Variants in KCND2 observed in about 807,000 individuals in gnomAD.
The protein encoded by KCND2 is A-type voltage-gated potassium channel KCND2.
Under a neutral mutation model 54.4 loss-of-function variants are expected in KCND2, and 16 were observed. The observed-to-expected ratio is 0.29, with a 90% CI of 0.20 to 0.45. KCND2 has a LOEUF of 0.45. KCND2 is among the 20% of genes least tolerant of loss of function. The probability of loss-of-function intolerance (pLI) is 1.00; values close to 1 mark genes in which losing one functional copy is unlikely to be tolerated. For missense variants in KCND2, 486 were observed against 824.2 expected, an observed-to-expected ratio of 0.59 and a Z score of 5.02; for synonymous variants, 317 against 310.7, an observed-to-expected ratio of 1.02 and a Z score of -0.21.
intron 1 of KCND2, among the ~76,000 whole-genome samples, chr7:120,612,687 A>G (rs149426924): frequency 7.9e-5 from 12 of 152,368 alleles, no homozygotes; most frequent in Admixed American, 7.2e-4. Context: ...CCTTTCAGTC[A>G]TGGAGTTTAG....
At chr7:120,562,653 T>A (rs1330108860) in intron 1 of KCND2, among the ~76,000 whole-genome samples, 2 of 152,204 alleles carry the variant, frequency 1.3e-5, no homozygotes, top group Non-Finnish European at 2.9e-5. Context: ...AAACTTGAAT[T>A]GTATTCACAA....
chr7:120,360,261 G>A, intron 1 of KCND2, among the ~76,000 whole-genome samples: 1 of 152,010 alleles, frequency 6.6e-6, no homozygotes, highest in Non-Finnish European at 1.5e-5. Flanking sequence ...CAGGGAAAGG[G>A]CACAAAGGTA....
intron 1 of KCND2, among the ~76,000 whole-genome samples, chr7:120,497,680 G>T (rs1371104113): frequency 1.3e-5 from 2 of 152,154 alleles, no homozygotes; most frequent in Non-Finnish European, 2.9e-5. Context: ...CGTTCAGCAG[G>T]ATAGAGGCAA....
intron 1 of KCND2, among the ~76,000 whole-genome samples, chr7:120,486,818 T>C (rs960982658): frequency 6.6e-6 from 1 of 151,874 alleles, no homozygotes; most frequent in African/African-American, 2.4e-5. Flanking sequence ...GTATGTGTAA[T>C]AAGCCCAAAA....
chr7:120,309,017 A>G (rs1799688879), intron 1 of KCND2, among the ~76,000 whole-genome samples: 1 of 152,196 alleles, frequency 6.6e-6, no homozygotes, highest in Non-Finnish European at 1.5e-5. Context: ...GGCCTGGGAA[A>G]TATATGGGCA....
In KCND2 at chr7:120,742,358, T is replaced by C. The variant is rs111267672; in HGVS notation, c.1375-152T>C. The stretch of plus-strand genomic sequence containing the variant: ...AAATTGTAAATGCCGATCATCCAAC[T>C]TAACAGGAACTGCACATTTGTTCCT... On this transcript the variant is annotated intron_variant, in intron 3 of 5. Transcript: ENST00000331113. 6.2e-5 allele frequency: 43 copies of C among 691,852 alleles called. 1 individual carries two copies. The African/African-American group carries it at 6.6e-4, about 11-fold the overall frequency. The allele number at this position is 691,852 out of a possible 1,614,324, so 42.9% of individuals were successfully genotyped here.
chr7:120,445,900 C>A (rs1802011536), intron 1 of KCND2, among the ~76,000 whole-genome samples: 1 of 152,076 alleles, frequency 6.6e-6, no homozygotes, highest in Non-Finnish European at 1.5e-5. Flanking sequence ...TATCTACTTA[C>A]CCCTCTCTTA....
intron 1 of KCND2, among the ~76,000 whole-genome samples, chr7:120,711,131 A>G (rs1792532063): frequency 6.6e-6 from 1 of 152,106 alleles, no homozygotes; most frequent in African/African-American, 2.4e-5. Flanking sequence ...TATTTTATAT[A>G]CATTTGTTAC....
At chr7:120,460,216 T>C (rs1435410500) in intron 1 of KCND2, among the ~76,000 whole-genome samples, 2 of 152,292 alleles carry the variant, frequency 1.3e-5, no homozygotes, top group African/African-American at 4.8e-5. Context: ...ATGTGTACTA[T>C]AGACCAGACA....
At chr7:120,730,435 G>A (rs1418785296) in intron 1 of KCND2, among the ~76,000 whole-genome samples, 1 of 152,162 alleles carries the variant, frequency 6.6e-6, no homozygotes, top group African/African-American at 2.4e-5. Flanking sequence ...TCTACAGTAA[G>A]AATATCCCCA....
intron 1 of KCND2, among the ~76,000 whole-genome samples, chr7:120,687,627 G>A (rs939506755): frequency 2.0e-5 from 3 of 151,640 alleles, no homozygotes; most frequent in East Asian, 3.9e-4. Context: ...ACCAGCCTGG[G>A]GAACATAGTG....
intron 1 of KCND2, among the ~76,000 whole-genome samples, chr7:120,519,027 A>G (rs1427431815): frequency 1.3e-5 from 2 of 152,172 alleles, no homozygotes; most frequent in East Asian, 1.9e-4. Context: ...GGGCAATGTG[A>G]TACAGAATAT....
intron 1 of KCND2, among the ~76,000 whole-genome samples, chr7:120,429,956 T>C (rs1474282255): frequency 6.6e-6 from 1 of 152,176 alleles, no homozygotes; most frequent in East Asian, 1.9e-4. Flanking sequence ...GATCTATGCA[T>C]GATCATGCAT....
intron 1 of KCND2, among the ~76,000 whole-genome samples, chr7:120,461,018 C>A (rs909394828): frequency 2.6e-5 from 4 of 152,096 alleles, no homozygotes; most frequent in African/African-American, 9.7e-5. Context: ...TATTGTTAAA[C>A]CTCTGTCTGC....
intron 1 of KCND2, among the ~76,000 whole-genome samples, chr7:120,677,171 A>G (rs577647051): frequency 2.3e-4 from 35 of 152,334 alleles, no homozygotes; most frequent in African/African-American, 7.9e-4. Context: ...AATAAAGGCA[A>G]GAATCACAAG....
intron 1 of KCND2, among the ~76,000 whole-genome samples, chr7:120,491,449 A>G (rs1377539156): frequency 1.3e-5 from 2 of 152,150 alleles, no homozygotes; most frequent in Non-Finnish European, 2.9e-5. Context: ...CTGATAACAT[A>G]TTGTAGTTGG....
At chr7:120,324,677 G>T (rs950022860) in intron 1 of KCND2, among the ~76,000 whole-genome samples, 1 of 151,116 alleles carries the variant, frequency 6.6e-6, no homozygotes, top group African/African-American at 2.4e-5. Flanking sequence ...TTTGGTACCA[G>T]TACCATGCTG....
chr7:120,619,959 A>G (rs1162517612), intron 1 of KCND2, among the ~76,000 whole-genome samples: 1 of 152,186 alleles, frequency 6.6e-6, no homozygotes, highest in Non-Finnish European at 1.5e-5. Context: ...GCTGAATAGA[A>G]TATGTTTTGC....
At chr7:120,673,952 T>C (rs770097134) in intron 1 of KCND2, among the ~76,000 whole-genome samples, 16 of 151,496 alleles carry the variant, frequency 1.1e-4, no homozygotes, top group Non-Finnish European at 1.6e-4. Flanking sequence ...TCACCCAGGC[T>C]GGAGTGCAGT....
Sources: allele counts gnomAD v4.1 joint callset (sites outside exome capture counted in the v4.1 genomes callset), GRCh38; gene constraint gnomAD v4.1.1; transcripts MANE v1.5; gene names NCBI Gene and HGNC (gene_info 2026-07-23, HGNC 2026-07-21).